RAB38: variants seen among roughly 807,000 people sequenced by gnomAD.
The protein encoded by RAB38 is ras-related protein Rab-38.
Under a neutral mutation model 18.4 loss-of-function variants are expected in RAB38, and 15 were observed. That is an observed-to-expected ratio of 0.82 (90% CI 0.55 to 1.26). The LOEUF (loss-of-function observed/expected upper bound fraction) is 1.26, where lower values mean the gene tolerates loss of function less well. Ranked by LOEUF, RAB38 falls within the 50% of genes most tolerant of loss-of-function variation. The pLI is 0.00. For synonymous variants in RAB38, 101 were observed against 104.4 expected (o/e 0.97, Z 0.20); for missense variants, 294 against 267.4 (o/e 1.10, Z -0.69).
At chr11:87,910,534 A>G in the RAB38 span, among the ~76,000 whole-genome samples, 1 of 151,946 alleles carries the variant, frequency 6.6e-6, no homozygotes, top group South Asian at 2.1e-4. Flanking sequence ...ATATTTGTCT[A>G]ACCCAAAGTT....
the RAB38 span, among the ~76,000 whole-genome samples, chr11:87,946,159 G>T: frequency 2.6e-5 from 4 of 152,100 alleles, no homozygotes; most frequent in African/African-American, 9.7e-5. Flanking sequence ...ATCTTAAAGG[G>T]TTAATCTCTC....
At chr11:88,047,692 T>C in the RAB38 span, among the ~76,000 whole-genome samples, 2 of 152,208 alleles carry the variant, frequency 1.3e-5, no homozygotes, top group African/African-American at 4.8e-5. Context: ...GCTAGAGTCA[T>C]TCACTGCAAA....
chr11:87,969,626 G>A, the RAB38 span, among the ~76,000 whole-genome samples: 1 of 152,214 alleles, frequency 6.6e-6, no homozygotes, highest in African/African-American at 2.4e-5. Flanking sequence ...AGATCAAGGA[G>A]CCTGGAAATA....
chr11:88,100,473 T>C, the RAB38 span, among the ~76,000 whole-genome samples: 1 of 151,996 alleles, frequency 6.6e-6, no homozygotes, highest in African/African-American at 2.4e-5. Flanking sequence ...CATCGTCCAA[T>C]TGTACTTGGT....
At chr11:87,932,025 G>T in the RAB38 span, among the ~76,000 whole-genome samples, 1 of 151,906 alleles carries the variant, frequency 6.6e-6, no homozygotes, top group Non-Finnish European at 1.5e-5. Context: ...GGATGAAATT[G>T]TTTGCTCTCT....
the RAB38 span, among the ~76,000 whole-genome samples, chr11:88,016,615 G>C: frequency 6.6e-6 from 1 of 151,964 alleles, no homozygotes; most frequent in Non-Finnish European, 1.5e-5. Flanking sequence ...CCACAAGGGG[G>C]AGCACTAATA....
downstream of RAB38, among the ~76,000 whole-genome samples, chr11:88,108,553 G>T (rs1321906211): frequency 6.6e-6 from 1 of 152,070 alleles, no homozygotes; most frequent in South Asian, 2.1e-4. Context: ...CATGAGATGG[G>T]TCTCCTGAAT....
intron 2 of RAB38, among the ~76,000 whole-genome samples, chr11:88,146,515 G>C (rs1023334028): frequency 3.9e-5 from 6 of 152,006 alleles, no homozygotes; most frequent in African/African-American, 1.2e-4. Flanking sequence ...GGAATTCATA[G>C]CTATCCCCAA....
the RAB38 span, among the ~76,000 whole-genome samples, chr11:87,885,559 G>C: frequency 6.6e-6 from 1 of 151,990 alleles, no homozygotes; most frequent in African/African-American, 2.4e-5. Context: ...CTGGAACCCT[G>C]CCCATTCCTG....
chr11:88,125,173 T>C (rs1035451961), intron 2 of RAB38, among the ~76,000 whole-genome samples: 13 of 152,212 alleles, frequency 8.5e-5, no homozygotes, highest in African/African-American at 3.1e-4. Context: ...ACTACATTCA[T>C]ACTTCATCGA....
the RAB38 span, among the ~76,000 whole-genome samples, chr11:87,931,781 C>T: frequency 6.6e-6 from 1 of 152,180 alleles, no homozygotes; most frequent in African/African-American, 2.4e-5. Flanking sequence ...CCAAATGCCT[C>T]TATAATTCTT....
At chr11:88,133,903 C>T (rs924862613) in intron 2 of RAB38, among the ~76,000 whole-genome samples, 2 of 152,250 alleles carry the variant, frequency 1.3e-5, no homozygotes, top group East Asian at 1.9e-4. Flanking sequence ...ACCTCTACTA[C>T]TTCCCCTCTC....
chr11:87,937,180 A>T, the RAB38 span, among the ~76,000 whole-genome samples: 6 of 151,426 alleles, frequency 4.0e-5, no homozygotes, highest in African/African-American at 1.2e-4. Context: ...AGTTAGGTCA[A>T]ATGCCTTTTC....
the RAB38 span, among the ~76,000 whole-genome samples, chr11:87,880,438 C>T: frequency 6.6e-6 from 1 of 151,802 alleles, no homozygotes; most frequent in Non-Finnish European, 1.5e-5. Context: ...CAGCCTAGAT[C>T]TCCAAGTTAC....
the RAB38 span, among the ~76,000 whole-genome samples, chr11:88,103,455 C>T: frequency 6.6e-6 from 1 of 152,058 alleles, no homozygotes; most frequent in Non-Finnish European, 1.5e-5. Flanking sequence ...TATATTCTGT[C>T]TCTCTCCCGT....
At chr11:87,971,901 C>G in the RAB38 span, among the ~76,000 whole-genome samples, 1 of 146,850 alleles carries the variant, frequency 6.8e-6, no homozygotes, top group Non-Finnish European at 1.5e-5. Flanking sequence ...CTTGAAATCT[C>G]ACTAAAATAT....
the RAB38 span, among the ~76,000 whole-genome samples, chr11:88,039,183 C>A: frequency 1.3e-5 from 2 of 151,864 alleles, no homozygotes; most frequent in Non-Finnish European, 2.9e-5. Context: ...GTCCTGTAAG[C>A]AATGAAAAAG....
the RAB38 span, chr11:87,816,516 T>C: frequency 6.6e-6 from 1 of 152,138 alleles, no homozygotes; most frequent in African/African-American, 2.4e-5. Flanking sequence ...ATAGAGCTGG[T>C]GTTAATTTGG....
At chr11:88,050,570 T>C in the RAB38 span, among the ~76,000 whole-genome samples, 1 of 152,204 alleles carries the variant, frequency 6.6e-6, no homozygotes, top group Admixed American at 6.5e-5. Context: ...AAAGCTAATT[T>C]TATTTTTAAG....
Sources: allele counts gnomAD v4.1 joint callset (sites outside exome capture counted in the v4.1 genomes callset), GRCh38; gene constraint gnomAD v4.1.1; transcripts MANE v1.5; gene names NCBI Gene and HGNC (gene_info 2026-07-23, HGNC 2026-07-21).